Variants in WWOX observed in about 807,000 individuals in gnomAD.
WWOX encodes the protein WW domain containing oxidoreductase, also known as WW domain-containing oxidoreductase.
A neutral mutation model predicts 46.2 loss-of-function variants in WWOX; 69 were observed. The observed-to-expected ratio is 1.49, with a 90% CI of 1.23 to 1.82. WWOX has a LOEUF of 1.82. Among genes scored for constraint, WWOX ranks in the 40% most tolerant of loss-of-function variants. WWOX has a pLI of 0.00. For missense variants in WWOX, 919 were observed against 542.6 expected (o/e 1.69, Z -6.89); for synonymous variants, 359 against 202.6 (o/e 1.77, Z -6.56).
chr16:78,360,321 C>T (rs894597669), intron 5 of WWOX, among the ~76,000 whole-genome samples: 1 of 152,150 alleles, frequency 6.6e-6, no homozygotes, highest in African/African-American at 2.4e-5. Context: ...CACAGTGGCT[C>T]ATGCCTGTAA....
At chr16:78,742,484 A>G (rs1043010505) in intron 8 of WWOX, among the ~76,000 whole-genome samples, 16 of 152,228 alleles carry the variant, frequency 1.1e-4, no homozygotes, top group Admixed American at 4.6e-4. Context: ...GTATTTATCT[A>G]CAGCGTGGAC....
At chr16:78,896,242 C>T (rs540967528) in intron 8 of WWOX, 25 of 150,368 alleles carry the variant, frequency 1.7e-4, no homozygotes, top group African/African-American at 5.1e-4. Context: ...AAAAAGTCAC[C>T]AAGTTGTTTC....
chr16:78,444,664 A>G (rs1036332725), intron 8 of WWOX, among the ~76,000 whole-genome samples: 7 of 151,366 alleles, frequency 4.6e-5, no homozygotes, highest in South Asian at 2.1e-4. Flanking sequence ...CCGAGTAGCT[A>G]GGACTACAGG....
intron 8 of WWOX, among the ~76,000 whole-genome samples, chr16:78,436,148 C>T (rs773336928): frequency 6.6e-6 from 1 of 151,986 alleles, no homozygotes; most frequent in Non-Finnish European, 1.5e-5. Flanking sequence ...ATGGCTGTTA[C>T]TCTTGTCGTT....
At chr16:78,645,723 G>T (rs1485321882) in intron 8 of WWOX, among the ~76,000 whole-genome samples, 2 of 152,274 alleles carry the variant, frequency 1.3e-5, no homozygotes, top group Non-Finnish European at 2.9e-5. Flanking sequence ...CTAGACTCCT[G>T]TCATCAGCCA....
chr16:78,644,860 G>T (rs1328739976), intron 8 of WWOX, among the ~76,000 whole-genome samples: 1 of 152,200 alleles, frequency 6.6e-6, no homozygotes, highest in African/African-American at 2.4e-5. Context: ...GCATGTAGAA[G>T]AGGATAGATG....
chr16:79,075,811 A>G (rs2048645319), intron 8 of WWOX, among the ~76,000 whole-genome samples: 1 of 152,192 alleles, frequency 6.6e-6, no homozygotes, highest in South Asian at 2.1e-4. Flanking sequence ...TGGTGTACAT[A>G]TACCTCGGCA....
intron 8 of WWOX, among the ~76,000 whole-genome samples, chr16:78,681,272 G>A (rs894405766): frequency 6.6e-6 from 1 of 152,094 alleles, no homozygotes; most frequent in Admixed American, 6.5e-5. Flanking sequence ...GGACGTGGTG[G>A]CATGTGCCTA....
intron 5 of WWOX, among the ~76,000 whole-genome samples, chr16:78,383,544 G>A (rs148076817): frequency 1.3e-5 from 2 of 152,098 alleles, no homozygotes; most frequent in Non-Finnish European, 2.9e-5. Context: ...TCTCGAAAAG[G>A]GGTTCCGTTT....
At chr16:79,176,541 A>G (rs1478892793) in intron 8 of WWOX, among the ~76,000 whole-genome samples, 5 of 152,212 alleles carry the variant, frequency 3.3e-5, no homozygotes, top group East Asian at 3.9e-4. Context: ...AGTCTCTGGT[A>G]TAAACTTGAG....
At chr16:78,640,881 G>T (rs1206030468) in intron 8 of WWOX, among the ~76,000 whole-genome samples, 2 of 150,748 alleles carry the variant, frequency 1.3e-5, no homozygotes, top group African/African-American at 4.9e-5. Flanking sequence ...AGAGGTTGCA[G>T]TGAGCCGAGA....
At chr16:78,941,376 G>T (rs948366358) in intron 8 of WWOX, among the ~76,000 whole-genome samples, 20 of 151,942 alleles carry the variant, frequency 1.3e-4, no homozygotes, top group African/African-American at 4.8e-4. Context: ...TGGAAGCTCC[G>T]TGGCCATTGC....
chr16:78,979,982 G>T (rs985343419), intron 8 of WWOX, among the ~76,000 whole-genome samples: 3 of 152,082 alleles, frequency 2.0e-5, no homozygotes, highest in African/African-American at 4.8e-5. Flanking sequence ...CAAAAAATTA[G>T]CTGGGTGTGT....
chr16:79,035,990 G>A (rs2047858640), intron 8 of WWOX, among the ~76,000 whole-genome samples: 1 of 152,124 alleles, frequency 6.6e-6, no homozygotes, highest in Admixed American at 6.5e-5. Context: ...CTTTTTGCTT[G>A]GCTTAAGAAT....
chr16:79,043,271 T>G (rs1292188391), intron 8 of WWOX, among the ~76,000 whole-genome samples: 1 of 151,714 alleles, frequency 6.6e-6, no homozygotes, highest in Non-Finnish European at 1.5e-5. Flanking sequence ...ACTTCGTGAA[T>G]TAAACCTCTA....
At chr16:78,765,830 G>A (rs1223552495) in intron 8 of WWOX, among the ~76,000 whole-genome samples, 3 of 152,200 alleles carry the variant, frequency 2.0e-5, no homozygotes, top group East Asian at 3.9e-4. Context: ...TCCTGCCCTG[G>A]GATGGTGGAG....
At chr16:78,783,338 C>T (rs2050376351) in intron 8 of WWOX, among the ~76,000 whole-genome samples, 1 of 152,220 alleles carries the variant, frequency 6.6e-6, no homozygotes, top group South Asian at 2.1e-4. Context: ...TGGAGACAGG[C>T]TTGGGCTGAT....
At chr16:78,717,281 A>C (rs1277461017) in intron 8 of WWOX, among the ~76,000 whole-genome samples, 1 of 152,242 alleles carries the variant, frequency 6.6e-6, no homozygotes, top group East Asian at 1.9e-4. Flanking sequence ...GAGATCCAGT[A>C]GTTAAGAGCC....
rs1171337117 is a variant in WWOX at position 78,967,458 on chromosome 16, G to GTT, written c.1057-244150_1057-244149insTT. On this transcript the variant is annotated intron_variant, in intron 8 of 8. Transcript: ENST00000566780. Reference sequence around the variant, plus strand: ...ACCAACATGCCTGGTTAATTTTTGTGGTTTTTTTTTTTTTTTTTTTTTTCC... The same window carrying GTT: ...ACCAACATGCCTGGTTAATTTTTGTGTTGTTTTTTTTTTTTTTTTTTTTTTCC... Among the ~76,000 whole-genome samples, 724 of 91,370 alleles carry GTT rather than the reference G, an allele frequency of 7.9e-3. 19 individuals are homozygous for GTT. Among genetic ancestry groups the GTT allele is most frequent in the Admixed American group, 0.074 (502 of 6,744 alleles). 59.9% of individuals were successfully genotyped at this position (91,370 alleles called of 152,430 possible).
Sources: allele counts gnomAD v4.1 joint callset (sites outside exome capture counted in the v4.1 genomes callset), GRCh38; gene constraint gnomAD v4.1.1; transcripts MANE v1.5; gene names NCBI Gene and HGNC (gene_info 2026-07-23, HGNC 2026-07-21).